ST3GAL3: variants seen among roughly 807,000 people sequenced by gnomAD.
ST3GAL3 encodes the protein CMP-N-acetylneuraminate-beta-1,4-galactoside alpha-2,3-sialyltransferase.
In ST3GAL3, 21 loss-of-function variants were observed where a neutral mutation model predicts 50.1. That is an observed-to-expected ratio of 0.42 (90% CI 0.30 to 0.60). The LOEUF (loss-of-function observed/expected upper bound fraction) is 0.60, where lower values mean the gene tolerates loss of function less well. Among genes scored for constraint, ST3GAL3 ranks in the 20% least tolerant of loss-of-function variants. The pLI is 0.19. For synonymous variants in ST3GAL3, 183 were observed against 190.0 expected (o/e 0.96, Z 0.30); for missense variants, 353 against 489.4 (o/e 0.72, Z 2.63).
At chr1:43,819,692 G>T (rs1047241693) in intron 4 of ST3GAL3, among the ~76,000 whole-genome samples, 3 of 152,166 alleles carry the variant, frequency 2.0e-5, no homozygotes, top group African/African-American at 7.2e-5. Context: ...TTTATGGTGT[G>T]ATGCTGAGGT....
intron 2 of ST3GAL3, among the ~76,000 whole-genome samples, chr1:43,779,581 G>A (rs930169989): frequency 1.3e-5 from 2 of 152,026 alleles, no homozygotes; most frequent in Admixed American, 6.5e-5. Flanking sequence ...TGATTTTTCT[G>A]TTTTGAGTAT....
intron 2 of ST3GAL3, among the ~76,000 whole-genome samples, chr1:43,760,523 A>G (rs1483161909): frequency 6.6e-6 from 1 of 152,250 alleles, no homozygotes; most frequent in African/African-American, 2.4e-5. Flanking sequence ...TGGGAGGCCA[A>G]GGCAGGTGGA....
intron 2 of ST3GAL3, among the ~76,000 whole-genome samples, chr1:43,750,453 C>T (rs1288210057): frequency 6.6e-6 from 1 of 151,984 alleles, no homozygotes; most frequent in Non-Finnish European, 1.5e-5. Context: ...AAATATACAC[C>T]TTAGACAAAA....
intron 5 of ST3GAL3, among the ~76,000 whole-genome samples, chr1:43,885,975 T>C (rs2075918549): frequency 6.6e-6 from 1 of 152,152 alleles, no homozygotes; most frequent in South Asian, 2.1e-4. Flanking sequence ...CACAGCTAGA[T>C]AGGAGGAATA....
At chr1:43,897,837 A>T (rs2077609761) in intron 6 of ST3GAL3, among the ~76,000 whole-genome samples, 18 of 152,182 alleles carry the variant, frequency 1.2e-4, no homozygotes, top group Admixed American at 1.2e-3. Flanking sequence ...AGAGATAAGT[A>T]CAAGGTGGTC....
intron 11 of ST3GAL3, among the ~76,000 whole-genome samples, chr1:43,926,553 C>T (rs1304635560): frequency 6.6e-6 from 1 of 151,852 alleles, no homozygotes; most frequent in Non-Finnish European, 1.5e-5. Flanking sequence ...TGCAGTGAGC[C>T]GAGATTGCAC....
At chr1:43,918,328 A>G (rs1212989458) in intron 9 of ST3GAL3, among the ~76,000 whole-genome samples, 2 of 151,532 alleles carry the variant, frequency 1.3e-5, no homozygotes, top group East Asian at 3.9e-4. Context: ...ACATTGCCCA[A>G]GCTGTTCTTG....
intron 5 of ST3GAL3, among the ~76,000 whole-genome samples, chr1:43,875,782 A>G (rs967843525): frequency 6.6e-6 from 1 of 152,104 alleles, no homozygotes; most frequent in Non-Finnish European, 1.5e-5. Context: ...GTATTTCTTT[A>G]TAGCAGCGTG....
intron 2 of ST3GAL3, among the ~76,000 whole-genome samples, chr1:43,752,876 G>A (rs1322797956): frequency 6.6e-6 from 1 of 152,174 alleles, no homozygotes; most frequent in African/African-American, 2.4e-5. Flanking sequence ...AGAAAGAACT[G>A]GATGATAGAG....
In ST3GAL3 at chr1:43,815,980, G is replaced by T. The variant is rs114096430; in HGVS notation, c.209+1047G>T. Among the ~76,000 whole-genome samples the T allele has an allele frequency of 3.8e-3, 574 of 152,172 alleles. 4 individuals carry two copies. The highest frequency in any genetic ancestry group is 0.013 in the African/African-American group (547 of 41,506). On this transcript the variant is annotated intron_variant, in intron 4 of 11. Transcript: ENST00000347631. ...TTCCTATTTGACAAGCATGCCTTGAGTTGCAGCTCTCTCTACTCTGTGTGT... is the reference window on the plus strand; with the variant it reads ...TTCCTATTTGACAAGCATGCCTTGATTTGCAGCTCTCTCTACTCTGTGTGT...
intron 5 of ST3GAL3, chr1:43,838,694 A>G: frequency 3.4e-6 from 1 of 295,718 alleles, no homozygotes; most frequent in Non-Finnish European, 6.7e-6. Flanking sequence ...TCAGGGAGGC[A>G]TATCCAAATA....
At chr1:43,779,220 G>C (rs1343587334) in intron 2 of ST3GAL3, among the ~76,000 whole-genome samples, 1 of 152,136 alleles carries the variant, frequency 6.6e-6, no homozygotes, top group Non-Finnish European at 1.5e-5. Context: ...GGGATTACAG[G>C]TGTGAGCCAC....
rs139471069 is a variant in ST3GAL3, at chr1:43,745,865, T to C, written c.118+9485T>C. Among the ~76,000 whole-genome samples, 250 of 152,298 alleles carry C rather than the reference T, an allele frequency of 1.6e-3. 2 individuals carry two copies. Among genetic ancestry groups the C allele is most frequent in the African/African-American group, 5.6e-3 (232 of 41,560 alleles). ...GCTGGTCTTGAACTTCTCACCTCAATTGATCTACCTGCCTCAGCCTCCCAA... is the reference window on the plus strand; with the variant it reads ...GCTGGTCTTGAACTTCTCACCTCAACTGATCTACCTGCCTCAGCCTCCCAA... On this transcript the variant is annotated intron_variant, in intron 2 of 11. Coordinates refer to ENST00000347631, the MANE Select transcript of ST3GAL3 (RefSeq NM_006279.5).
intron 2 of ST3GAL3, chr1:43,743,852 C>CT (rs1047177598): frequency 6.2e-6 from 1 of 162,442 alleles, no homozygotes; most frequent in African/African-American, 2.5e-5. Flanking sequence ...TTCCCCCCCC[C>CT]CCCATTCCTA....
At position 43,714,266 on chromosome 1, in the gene ST3GAL3, C is replaced by CA. The variant is rs111607096; in HGVS notation, c.-31+6589dup. On this transcript the variant is annotated intron_variant, in intron 1 of 11. Coordinates refer to ENST00000347631, the MANE Select transcript of ST3GAL3 (RefSeq NM_006279.5). ...GTGACAAGACAGGGAAACTCCATCT[C>CA]AAAAAAAAAAAAAAAATCCCATACA... is the stretch of plus-strand genomic sequence containing the variant. Among the ~76,000 whole-genome samples, 958 of 96,476 alleles carry CA rather than the reference C, an allele frequency of 9.9e-3. 13 individuals carry two copies. The highest frequency in any genetic ancestry group is 0.055 in the Middle Eastern group (8 of 146). The allele number at this position is 96,476 out of a possible 152,430, so 63.3% of individuals were successfully genotyped here. A position where few individuals can be genotyped will look rare whatever the true frequency, so the allele number is the denominator to read the frequency against.
At chr1:43,794,121 G>A (rs1572975350) in intron 3 of ST3GAL3, among the ~76,000 whole-genome samples, 1 of 150,402 alleles carries the variant, frequency 6.6e-6, no homozygotes, top group Non-Finnish European at 1.5e-5. Context: ...AAAAGAGAGA[G>A]AGTGAAAGGA....
intron 2 of ST3GAL3, among the ~76,000 whole-genome samples, chr1:43,768,317 G>A (rs1480338300): frequency 6.6e-6 from 1 of 152,118 alleles, no homozygotes; most frequent in Non-Finnish European, 1.5e-5. Flanking sequence ...GTACATGCCT[G>A]CAGTCCTAGC....
chr1:43,758,483 C>T (rs1163218222), intron 2 of ST3GAL3, among the ~76,000 whole-genome samples: 1 of 151,972 alleles, frequency 6.6e-6, no homozygotes, highest in Non-Finnish European at 1.5e-5. Flanking sequence ...GAACTCCTGG[C>T]CTCAAGTGAT....
At chr1:43,781,901 G>A (rs978696655) in intron 2 of ST3GAL3, among the ~76,000 whole-genome samples, 3 of 152,124 alleles carry the variant, frequency 2.0e-5, no homozygotes, top group African/African-American at 7.2e-5. Context: ...ACTGCGGTTT[G>A]CCAGTTACCC....
Sources: gnomAD v4.1 joint callset for allele counts (sites outside exome capture counted in the v4.1 genomes callset) on GRCh38, gnomAD v4.1.1 for gene constraint, MANE v1.5 for transcripts, NCBI Gene and HGNC (gene_info 2026-07-23, HGNC 2026-07-21) for gene names.